Variants in AGPAT4 observed in about 807,000 individuals in gnomAD.
AGPAT4 encodes the protein 1-acylglycerol-3-phosphate O-acyltransferase 4, also known as 1-acyl-sn-glycerol-3-phosphate acyltransferase delta.
AGPAT4 carries 15 observed loss-of-function variants against 48.0 expected under a neutral mutation model. The ratio of observed to expected loss-of-function variants is 0.31; its 90% confidence interval spans 0.21 to 0.48. The LOEUF (loss-of-function observed/expected upper bound fraction) is 0.48. AGPAT4 is among the 20% of genes least tolerant of loss of function. The pLI is 0.99. For synonymous variants in AGPAT4, 178 were observed against 198.7 expected, an observed-to-expected ratio of 0.90 and a Z score of 0.88; for missense variants, 314 against 482.5, an observed-to-expected ratio of 0.65 and a Z score of 3.27.
At position 161,219,824 on chromosome 6, in the gene AGPAT4, G is replaced by GAGATAGATAGATATAGATAGAT. The variant is rs1352494887; in HGVS notation, c.178+12211_178+12212insATCTATCTATATCTATCTATCT. Reference sequence around the variant, plus strand: ...AGATTCACAGTAAAAAAGATAGACAGAGATAGATAGATAGATAGATAGATA... The same window carrying GAGATAGATAGATATAGATAGAT: ...AGATTCACAGTAAAAAAGATAGACAGAGATAGATAGATATAGATAGATAGATAGATAGATAGATAGATAGATA... On this transcript the variant is annotated intron_variant, in intron 2 of 8. Transcript: ENST00000320285. This position sits in a 1 kb window ranked among gnomAD's most constrained non-coding sequence, Gnocchi z 4.9. 8.9e-5 allele frequency among the ~76,000 whole-genome samples: 8 copies of GAGATAGATAGATATAGATAGAT among 89,498 alleles called. No individual in the cohort carries two copies. Among genetic ancestry groups the GAGATAGATAGATATAGATAGAT allele is most frequent in the African/African-American group, 3.4e-4 (8 of 23,558 alleles). The allele number at this position is 89,498 out of a possible 152,430, so 58.7% of individuals were successfully genotyped here. A position where few individuals can be genotyped will look rare whatever the true frequency, so the allele number is the denominator to read the frequency against.
chr6:161,214,274 C>G lies in AGPAT4; in HGVS notation c.178+17762G>C, dbSNP rs7756977. Among the ~76,000 whole-genome samples the G allele has an allele frequency of 0.37, 56,193 of 152,054 alleles. 11,152 individuals carry two copies. Among genetic ancestry groups the G allele is most frequent in the African/African-American group, 0.5 (20,617 of 41,440 alleles). On this transcript the variant is annotated intron_variant, in intron 2 of 8. Transcript: ENST00000320285. This position sits in a 1 kb window ranked among gnomAD's most constrained non-coding sequence, Gnocchi z 5.4. ...AAGCTGTGCTTTGACCACCTGGGCA[C>G]ATGTTGTCAGGACCTCCTGAGGCTG... is the stretch of plus-strand genomic sequence containing the variant.
Position 161,255,739 on chromosome 6 carries a change from C to CT in AGPAT4, c.-90+18198dup, listed in dbSNP as rs1270757558. Among the ~76,000 whole-genome samples the CT allele has an allele frequency of 6.6e-6, 1 of 152,050 alleles. No homozygotes were observed. Among genetic ancestry groups the CT allele is most frequent in the African/African-American group, 2.4e-5 (1 of 41,390 alleles). On this transcript the variant is annotated intron_variant, in intron 1 of 8. Coordinates refer to ENST00000320285, the MANE Select transcript of AGPAT4 (RefSeq NM_020133.3). This position sits in a 1 kb window ranked among gnomAD's most constrained non-coding sequence, Gnocchi z 4.7. ...TGGAGGGGGCAGGATGGGGGAGTGA[C>CT]TGCTGATATGTACGGTTTCTCTCTG...
intron 2 of AGPAT4, among the ~76,000 whole-genome samples, chr6:161,209,241 T>A (rs947200091): frequency 6.6e-6 from 1 of 152,124 alleles, no homozygotes; most frequent in East Asian, 1.9e-4. Context: ...AAAGGCTTGC[T>A]TGGAGGTGAT....
chr6:161,149,300 T>C lies in AGPAT4; in HGVS notation c.665-11A>G. 2 of 1,604,348 alleles carry C rather than the reference T, an allele frequency of 1.2e-6. No individual in the cohort carries two copies. The highest frequency in any genetic ancestry group is 1.7e-6 in the Non-Finnish European group (2 of 1,178,274). ...CATATACAGCTGAAACTATAAAAAA[T>C]AAAACAAATACAAAGCAGTATATAG... is the stretch of plus-strand genomic sequence containing the variant. On this transcript the variant is annotated splice_polypyrimidine_tract_variant and intron_variant, in intron 5 of 8. Coordinates refer to ENST00000320285, the MANE Select transcript of AGPAT4 (RefSeq NM_020133.3). The surrounding 1 kb of genome is among the most constrained non-coding windows in gnomAD (Gnocchi z 6.5).
rs375549967 is a variant in AGPAT4, at chr6:161,266,623, G to A, written c.-90+7315C>T. ...ATGCAGGCTACCCACACAAAAGGCC[G>A]AAGAATCTGCTCACCATCCGCCTTG... On this transcript the variant is annotated intron_variant, in intron 1 of 8. Transcript: ENST00000320285. This position sits in a 1 kb window ranked among gnomAD's most constrained non-coding sequence, Gnocchi z 6.2. Among the ~76,000 whole-genome samples the A allele has an allele frequency of 1.3e-5, 2 of 152,124 alleles. No homozygotes were observed. Among genetic ancestry groups the A allele is most frequent in the South Asian group, 2.1e-4 (1 of 4,826 alleles).
intron 2 of AGPAT4, among the ~76,000 whole-genome samples, chr6:161,194,337 G>C (rs893999507): frequency 6.6e-5 from 10 of 152,146 alleles, no homozygotes; most frequent in African/African-American, 2.4e-4. Flanking sequence ...TAATCTAAAA[G>C]ATAAAGCTTC....
At chr6:161,265,081 TAGTACCCACTGCTG>T (rs1477911234) in intron 1 of AGPAT4, among the ~76,000 whole-genome samples, 2 of 152,132 alleles carry the variant, frequency 1.3e-5, no homozygotes, top group African/African-American at 4.8e-5. Flanking sequence ...GTTGGTGGAC[TAGTACCCACTGCTG>T]GACTGGGTGG....
chr6:161,265,385 C>T (rs1189442758), intron 1 of AGPAT4, among the ~76,000 whole-genome samples: 1 of 144,828 alleles, frequency 6.9e-6, no homozygotes, highest in Non-Finnish European at 1.5e-5. Flanking sequence ...CTAGTACCCA[C>T]CGCTGGACTG....
rs1351038255 is a variant in AGPAT4 at position 161,144,598 on chromosome 6, C to A, written c.843+1926G>T. On this transcript the variant is annotated intron_variant, in intron 7 of 8. Transcript: ENST00000320285. The surrounding 1 kb of genome is among the most constrained non-coding windows in gnomAD (Gnocchi z 6.6). ...TTGCCTTGATGGGCTTGAGGGCCCA[C>A]GTTTATTGTAGATTTGTTTGTGTGG... 1.3e-5 allele frequency among the ~76,000 whole-genome samples: 2 copies of A among 152,128 alleles called. No homozygotes were observed. Among genetic ancestry groups the A allele is most frequent in the African/African-American group, 4.8e-5 (2 of 41,418 alleles).
chr6:161,218,027 G>A lies in AGPAT4; in HGVS notation c.178+14009C>T, dbSNP rs1041345301. 3.9e-5 allele frequency among the ~76,000 whole-genome samples: 6 copies of A among 152,252 alleles called. No homozygotes were observed. Among genetic ancestry groups the A allele is most frequent in the Non-Finnish European group, 7.3e-5 (5 of 68,046 alleles). On this transcript the variant is annotated intron_variant, in intron 2 of 8. Transcript: ENST00000320285. This position sits in a 1 kb window ranked among gnomAD's most constrained non-coding sequence, Gnocchi z 4.7. ...ATGCCTGCAAAGACCAATTGAACAC[G>A]TATGCATTCACCGGGAATGCCCTGT...
chr6:161,263,287 T>C (rs1783159434), intron 1 of AGPAT4, among the ~76,000 whole-genome samples: 1 of 152,138 alleles, frequency 6.6e-6, no homozygotes, highest in Non-Finnish European at 1.5e-5. Flanking sequence ...TTCATGCCTG[T>C]AGTCCCAGCC....
Position 161,243,999 on chromosome 6 carries a change from A to C in AGPAT4, c.-89-11697T>G, listed in dbSNP as rs776061946. Among the ~76,000 whole-genome samples the C allele has an allele frequency of 1.9e-4, 29 of 152,210 alleles. No individual in the cohort carries two copies. The highest frequency in any genetic ancestry group is 3.4e-4 in the African/African-American group (14 of 41,448). The stretch of plus-strand genomic sequence containing the variant: ...GAGGCTCTCTTCCTAATAACAAGTT[A>C]ACTGTCAATTCCCTACATAAATCTC... On this transcript the variant is annotated intron_variant, in intron 1 of 8. Coordinates refer to ENST00000320285, the MANE Select transcript of AGPAT4 (RefSeq NM_020133.3). The surrounding 1 kb of genome is among the most constrained non-coding windows in gnomAD (Gnocchi z 4.8).
Position 161,178,633 on chromosome 6 carries a change from A to G in AGPAT4, c.179-12216T>C, listed in dbSNP as rs530696628. On this transcript the variant is annotated intron_variant, in intron 2 of 8. Coordinates refer to ENST00000320285, the MANE Select transcript of AGPAT4 (RefSeq NM_020133.3). This position sits in a 1 kb window ranked among gnomAD's most constrained non-coding sequence, Gnocchi z 5.1. Reference sequence around the variant, plus strand: ...GCTCACACTCGCGTGGGCTGCACCCACTGTCCGACAAGCCCCAGTGAGATG... The same window carrying G: ...GCTCACACTCGCGTGGGCTGCACCCGCTGTCCGACAAGCCCCAGTGAGATG... Among the ~76,000 whole-genome samples the G allele has an allele frequency of 1.3e-5, 2 of 152,022 alleles. No homozygotes were observed. The highest frequency in any genetic ancestry group is 2.9e-5 in the Non-Finnish European group (2 of 67,986).
rs1781687434 is a variant in AGPAT4, at chr6:161,217,706, G to T, written c.178+14330C>A. Among the ~76,000 whole-genome samples, 1 of 152,174 alleles carries T rather than the reference G, an allele frequency of 6.6e-6. No individual in the cohort carries two copies. Among genetic ancestry groups the T allele is most frequent in the Non-Finnish European group, 1.5e-5 (1 of 68,024 alleles). On this transcript the variant is annotated intron_variant, in intron 2 of 8. Coordinates refer to ENST00000320285, the MANE Select transcript of AGPAT4 (RefSeq NM_020133.3). This position sits in a 1 kb window ranked among gnomAD's most constrained non-coding sequence, Gnocchi z 4.9. ...CATAATTACCCTGGTGAAAGGACTG[G>T]CTGGGAGAGGCATGGCATATTCAGA...
rs549143627 is a variant in AGPAT4 at position 161,196,426 on chromosome 6, C to A, written c.179-30009G>T. Among the ~76,000 whole-genome samples, 8 of 152,158 alleles carry A rather than the reference C, an allele frequency of 5.3e-5. No individual in the cohort carries two copies. The South Asian group carries it at 1.7e-3, about 32-fold the overall frequency. On this transcript the variant is annotated intron_variant, in intron 2 of 8. Coordinates refer to ENST00000320285, the MANE Select transcript of AGPAT4 (RefSeq NM_020133.3). The surrounding 1 kb of genome is among the most constrained non-coding windows in gnomAD (Gnocchi z 4.3). ...AGTCAGTGAGGGGTAGGACTGTGGT[C>A]CTATCCAGGGTCTGAAATAGGTCTG...
At position 161,217,703 on chromosome 6, in the gene AGPAT4, C is replaced by T. The variant is rs1279720816; in HGVS notation, c.178+14333G>A. Among the ~76,000 whole-genome samples the T allele has an allele frequency of 2.0e-5, 3 of 152,208 alleles. No homozygotes were observed. The highest frequency in any genetic ancestry group is 2.9e-5 in the Non-Finnish European group (2 of 68,050). On this transcript the variant is annotated intron_variant, in intron 2 of 8. Transcript: ENST00000320285. The surrounding 1 kb of genome is among the most constrained non-coding windows in gnomAD (Gnocchi z 4.9). ...CATCATAATTACCCTGGTGAAAGGA[C>T]TGGCTGGGAGAGGCATGGCATATTC...
chr6:161,256,307 C>T (rs1782941492), intron 1 of AGPAT4, among the ~76,000 whole-genome samples: 1 of 152,194 alleles, frequency 6.6e-6, no homozygotes. Context: ...CAACCCCAGG[C>T]ACGCATGGTG....
chr6:161,156,327 A>G (rs1018697961), intron 3 of AGPAT4, among the ~76,000 whole-genome samples: 2 of 152,126 alleles, frequency 1.3e-5, no homozygotes, highest in African/African-American at 4.8e-5. Flanking sequence ...CCATGTGCCT[A>G]TTGTCTGCAG....
intron 2 of AGPAT4, among the ~76,000 whole-genome samples, chr6:161,207,548 T>C (rs1781408773): frequency 6.6e-6 from 1 of 152,238 alleles, no homozygotes; most frequent in Admixed American, 6.5e-5. Flanking sequence ...TACAAAGCAC[T>C]GCTCTCTATA....
Sources: allele counts gnomAD v4.1 joint callset (sites outside exome capture counted in the v4.1 genomes callset), GRCh38; gene constraint gnomAD v4.1.1; non-coding constraint Gnocchi (gnomAD v3.1); transcripts MANE v1.5; gene names NCBI Gene and HGNC (gene_info 2026-07-23, HGNC 2026-07-21).